Variants in ABCA5 observed in about 807,000 individuals in gnomAD.
ABCA5 encodes ATP binding cassette subfamily A member 5, also known as cholesterol transporter ABCA5.
Under a neutral mutation model 206.0 loss-of-function variants are expected in ABCA5, and 163 were observed. The ratio of observed to expected loss-of-function variants is 0.79; its 90% CI spans 0.70 to 0.90. ABCA5 has a LOEUF of 0.90. Among genes scored for constraint, ABCA5 ranks in the 40% least tolerant of loss-of-function variants. The pLI is 0.00. For synonymous variants in ABCA5, 609 were observed against 613.8 expected (o/e 0.99, Z 0.11); for missense variants, 1,859 against 1,912.9 (o/e 0.97, Z 0.53).
In ABCA5 at chr17:69,270,707, G is replaced by A; in HGVS notation, c.2936C>T (p.Ser979Phe). 6.3e-7 allele frequency: 1 copy of A among 1,596,036 alleles called. No individual in the cohort carries two copies. The highest frequency in any genetic ancestry group is 8.5e-7 in the Non-Finnish European group (1 of 1,173,192). ...AAVFNSTMVY[S>F]LPILVNIISN... ...AATGATATTCACTAATATAGGTAAA[G>A]AATAAACCATAGTACTGTTGAAAAC... Residue 979 changes from serine (S) to phenylalanine (F), a missense_variant, in exon 22 of 39, where the codon TCT (serine) becomes TTT (phenylalanine). Physicochemically the swap from Ser to Phe is radical, Grantham distance 155. Coordinates refer to ENST00000392676, the MANE Select transcript of ABCA5 (RefSeq NM_172232.4).
rs570521333 is a variant in ABCA5, at chr17:69,253,755, A to G, written c.4320+39T>C. 11 of 1,588,746 alleles carry G rather than the reference A, an allele frequency of 6.9e-6. No individual in the cohort carries two copies. In the South Asian group the frequency reaches 8.9e-5, roughly 13 times the overall value. ...GACAATATCAGGTACTAAACTATCA[A>G]TAAAAATACAGGCATTATTTGGTGT... On this transcript the variant is annotated intron_variant, in intron 33 of 38. Coordinates refer to ENST00000392676, the MANE Select transcript of ABCA5 (RefSeq NM_172232.4).
chr17:69,314,126 A>C (rs547477862), intron 2 of ABCA5, among the ~76,000 whole-genome samples, 188 bp downstream of exon 2: 24 of 152,322 alleles, frequency 1.6e-4, no homozygotes, highest in African/African-American at 5.8e-4. Flanking sequence ...TAAAATTTTT[A>C]ACATTTAGAA....
intron 11 of ABCA5, among the ~76,000 whole-genome samples, chr17:69,293,605 G>GA (rs970206048): frequency 2.6e-5 from 4 of 152,146 alleles, no homozygotes; most frequent in African/African-American, 9.6e-5. Flanking sequence ...GGCCTTAAGA[G>GA]AAAAAACAGG....
intron 24 of ABCA5, among the ~76,000 whole-genome samples, chr17:69,263,239 G>C (rs2075169153): frequency 6.6e-6 from 1 of 152,054 alleles, no homozygotes; most frequent in Non-Finnish European, 1.5e-5. Flanking sequence ...AGTTTAATTA[G>C]GTGCCACTTG....
intron 21 of ABCA5, among the ~76,000 whole-genome samples, 196 bp downstream of exon 21, chr17:69,270,966 T>C (rs1292496731): frequency 4.6e-5 from 7 of 152,194 alleles, no homozygotes; most frequent in Non-Finnish European, 1.0e-4. Flanking sequence ...TTTAAAAAAC[T>C]AAATTTCTGT....
Position 69,301,156 on chromosome 17 carries a change from A to T in ABCA5, c.1250T>A (p.Leu417His). 6.4e-7 allele frequency: 1 copy of T among 1,559,330 alleles called. No individual in the cohort carries two copies. The highest frequency in any genetic ancestry group is 8.6e-7 in the Non-Finnish European group (1 of 1,161,944). ...CTGCATACCTGGAATGACTTGATCA[A>T]GATAGACAGCCAAGAGGACATAGAA... The part of the protein sequence containing the change: ...SIFYVLLAVY[L>H]DQVIPGEFGL... The change falls in exon 9 of 39, where the codon CTT becomes CAT. Residue 417 changes from leucine to histidine, a missense_variant. By Grantham distance (99) the Leu-to-His change is moderately conservative (BLOSUM62 -3). Coordinates refer to ENST00000392676, the MANE Select transcript of ABCA5 (RefSeq NM_172232.4).
intron 28 of ABCA5, among the ~76,000 whole-genome samples, chr17:69,258,037 A>G (rs2075102916): frequency 1.3e-5 from 2 of 152,150 alleles, no homozygotes; most frequent in Admixed American, 6.5e-5. Context: ...GAGGAATACA[A>G]GGAATAAAGA....
At chr17:69,250,175 A>G (rs2074996243) in intron 36 of ABCA5, among the ~76,000 whole-genome samples, 191 bp from the exon 37 acceptor site, 1 of 152,050 alleles carries the variant, frequency 6.6e-6, no homozygotes, top group African/African-American at 2.4e-5. Flanking sequence ...AATGTTAAAA[A>G]AATTTAAATA....
rs548948849 is a variant in ABCA5, at chr17:69,319,234, C to T, written c.-15-4804G>A. Reference sequence around the variant, plus strand: ...ACATAGAAACACTAACCTAATGCAGCATGAACATTCTCAAGTTACTTGCCA... The same window carrying T: ...ACATAGAAACACTAACCTAATGCAGTATGAACATTCTCAAGTTACTTGCCA... On this transcript the variant is annotated intron_variant, in intron 1 of 38. Coordinates refer to ENST00000392676, the MANE Select transcript of ABCA5 (RefSeq NM_172232.4). Among the ~76,000 whole-genome samples, 7 of 152,332 alleles carry T rather than the reference C, an allele frequency of 4.6e-5. No individual in the cohort carries two copies. The East Asian group carries it at 1.3e-3, about 29-fold the overall frequency.
At position 69,267,954 on chromosome 17, in the gene ABCA5, C is replaced by T. The variant is rs1170221985; in HGVS notation, c.3133G>A (p.Glu1045Lys). 3 of 1,601,268 alleles carry T rather than the reference C, an allele frequency of 1.9e-6. No individual in the cohort carries two copies. The highest frequency in any genetic ancestry group is 2.7e-5 in the African/African-American group (2 of 74,626). Reference sequence around the variant, plus strand: ...AACTGAGTCATTACCTTATGATTCTCTGCATTTTCCATGGCAAAGTAAGGT... The same window carrying T: ...AACTGAGTCATTACCTTATGATTCTTTGCATTTTCCATGGCAAAGTAAGGT... ...MPPYFAMENA[E>K]NHKIKAYTQL... is the part of the protein sequence containing the mutation. Residue 1045 changes from glutamate to lysine, a missense_variant, in exon 23 of 39, where the codon GAG becomes AAG. Glu to Lys is a moderately conservative substitution (Grantham distance 56). Transcript: ENST00000392676.
In ABCA5 at chr17:69,272,540, G is replaced by A. The variant is rs149017309; in HGVS notation, c.2765-1251C>T. On this transcript the variant is annotated intron_variant, in intron 20 of 38. Transcript: ENST00000392676. Reference sequence around the variant, plus strand: ...AAAAAAAGAAATATTTGAGATACATGTACAATTCCCTGGACACATATAAAA... The same window carrying A: ...AAAAAAAGAAATATTTGAGATACATATACAATTCCCTGGACACATATAAAA... Among the ~76,000 whole-genome samples the A allele has an allele frequency of 2.5e-3, 383 of 151,934 alleles. 14 individuals carry two copies. The East Asian group carries it at 0.061, about 24-fold the overall frequency.
chr17:69,253,749 C>T (rs2075043690), intron 33 of ABCA5, 45 bp downstream of exon 33: 3 of 1,582,578 alleles, frequency 1.9e-6, no homozygotes, highest in African/African-American at 1.4e-5. Context: ...AGGTACTAAA[C>T]TATCAATAAA....
intron 1 of ABCA5, among the ~76,000 whole-genome samples, chr17:69,316,147 T>G (rs2075813934): frequency 6.6e-6 from 1 of 152,148 alleles, no homozygotes; most frequent in Non-Finnish European, 1.5e-5. Flanking sequence ...CATTATCCAA[T>G]CTGAACAACA....
intron 1 of ABCA5, 153 bp from the exon 2 acceptor site, chr17:69,314,583 T>C: frequency 3.7e-6 from 2 of 542,512 alleles, no homozygotes; most frequent in Non-Finnish European, 6.5e-6. Context: ...ACAGAATGCA[T>C]GGAGCAGCAA....
chr17:69,261,995 T>G (rs973313295), intron 24 of ABCA5, among the ~76,000 whole-genome samples: 1 of 147,130 alleles, frequency 6.8e-6, no homozygotes, highest in African/African-American at 2.4e-5. Flanking sequence ...CAGCACTTTA[T>G]TTTTTAATGT....
Position 69,313,263 on chromosome 17 carries a change from AC to A in ABCA5, c.135del (p.Trp45CysfsTer2). 6.9e-7 allele frequency: 1 copy of A among 1,452,844 alleles called. No homozygotes were observed. Among genetic ancestry groups the A allele is most frequent in the Non-Finnish European group, 9.5e-7 (1 of 1,050,822 alleles). The allele number at this position is 1,452,844 out of a possible 1,614,324, so 90.0% of individuals were successfully genotyped here. ...EILFPLFFLF[W>X]LILISMMHPN... is the part of the protein sequence containing the mutation. ...GGATGCATCATGCTAATTAATATTA[AC>A]CAAAATAAAAAAAATAGTGGAAAAA... On this transcript the variant is annotated frameshift_variant, in exon 3 of 39. Transcript: ENST00000392676. LOFTEE classifies it high-confidence loss of function.
chr17:69,264,872 G>C lies in ABCA5; in HGVS notation c.3178C>G (p.Leu1060Val). The change falls in exon 24 of 39, where the codon CTT (leucine) becomes GTT (valine). Residue 1060 changes from leucine to valine, a missense_variant. By Grantham distance (32) the Leu-to-Val change is conservative (BLOSUM62 1). Coordinates refer to ENST00000392676, the MANE Select transcript of ABCA5 (RefSeq NM_172232.4). The stretch of plus-strand genomic sequence containing the variant: ...CCAATCCAATATGCAGATGGCAAAA[G>C]ACCTGAAAGTTTAAGTTGAGTATAA... ...KAYTQLKLSGLLPSAYWIGQA... is the reference protein window; with the variant it reads ...KAYTQLKLSGVLPSAYWIGQA... The C allele has an allele frequency of 6.4e-7, 1 of 1,553,458 alleles. No individual in the cohort carries two copies.
At chr17:69,325,141 C>A (rs1483844036) in intron 1 of ABCA5, among the ~76,000 whole-genome samples, 24 of 118,060 alleles carry the variant, frequency 2.0e-4, no homozygotes, top group South Asian at 5.6e-4. Flanking sequence ...CTGTCTCTAC[C>A]AAAAAAAAAA....
intron 7 of ABCA5, 116 bp from the exon 8 acceptor site, chr17:69,303,022 A>C (rs1437000410): frequency 3.9e-6 from 2 of 509,142 alleles, no homozygotes; most frequent in Non-Finnish European, 6.7e-6. Flanking sequence ...ATTCATAAAA[A>C]TACAACTATA....
Sources: gnomAD v4.1 joint callset for allele counts (sites outside exome capture counted in the v4.1 genomes callset) on GRCh38, gnomAD v4.1.1 for gene constraint, MANE v1.5 for transcripts, NCBI Gene and HGNC (gene_info 2026-07-23, HGNC 2026-07-21) for gene names.